STPG2: variants seen among roughly 807,000 people sequenced by gnomAD.
The protein encoded by STPG2 is sperm-tail PG-rich repeat-containing protein 2.
In STPG2, 56 loss-of-function variants were observed where a neutral mutation model predicts 54.2. The observed-to-expected ratio is 1.03, with a 90% CI of 0.83 to 1.29. The LOEUF (loss-of-function observed/expected upper bound fraction) is 1.29, where lower values mean the gene tolerates loss of function less well. STPG2 is among the 50% of genes most tolerant of loss of function. The pLI, the probability that STPG2 is intolerant of heterozygous loss-of-function variation, is 0.00. For missense variants in STPG2, 596 were observed against 544.9 expected, an observed-to-expected ratio of 1.09 and a Z score of -0.93; for synonymous variants, 200 against 181.8, an observed-to-expected ratio of 1.10 and a Z score of -0.81.
chr4:97,732,312 T>A (rs1724826702), intron 9 of STPG2, among the ~76,000 whole-genome samples: 1 of 152,196 alleles, frequency 6.6e-6, no homozygotes, highest in South Asian at 2.1e-4. Flanking sequence ...ATGCTTATAG[T>A]TTCAGGTCTT....
intron 9 of STPG2, among the ~76,000 whole-genome samples, chr4:97,760,457 A>G (rs1019442766): frequency 5.3e-5 from 8 of 152,308 alleles, no homozygotes; most frequent in African/African-American, 1.7e-4. Flanking sequence ...TATACAATAC[A>G]CAAGTTGAAA....
chr4:98,066,763 T>G (rs1737850034), intron 5 of STPG2, among the ~76,000 whole-genome samples: 1 of 152,184 alleles, frequency 6.6e-6, no homozygotes, highest in Non-Finnish European at 1.5e-5. Context: ...AGATGTAATA[T>G]CCATAAATCA....
intron 1 of STPG2, among the ~76,000 whole-genome samples, chr4:98,136,509 A>T (rs1180759057): frequency 6.6e-6 from 1 of 151,788 alleles, no homozygotes; most frequent in Non-Finnish European, 1.5e-5. Flanking sequence ...AGTGAAAAAT[A>T]GAATGGTTGT....
chr4:97,895,328 A>C (rs555013241), intron 8 of STPG2, among the ~76,000 whole-genome samples: 1 of 152,028 alleles, frequency 6.6e-6, no homozygotes, highest in African/African-American at 2.4e-5. Context: ...TTATAAATCA[A>C]CACTGATATC....
chr4:97,676,855 T>C (rs1722867012), intron 10 of STPG2, among the ~76,000 whole-genome samples: 1 of 152,206 alleles, frequency 6.6e-6, no homozygotes, highest in Admixed American at 6.5e-5. Context: ...CCAAGGCAAA[T>C]GACCTGTTTC....
At position 97,451,741 on chromosome 4, in the gene STPG2, T is replaced by C. The variant is rs140115137; in HGVS notation, c.462+260958A>G. On this transcript the variant is annotated intron_variant, in intron 4 of 4. Transcript: ENST00000522676. The stretch of plus-strand genomic sequence containing the variant: ...ATGTATATAAATTATGAATAAAATA[T>C]AGTGGAATTGAGAGACTCTCCATCT... 4.2e-3 allele frequency among the ~76,000 whole-genome samples: 638 copies of C among 152,316 alleles called. 5 individuals carry two copies. The highest frequency in any genetic ancestry group is 0.015 in the African/African-American group (612 of 41,564).
intron 7 of STPG2, among the ~76,000 whole-genome samples, chr4:97,959,811 G>A (rs765660464): frequency 1.6e-4 from 24 of 151,854 alleles, no homozygotes; most frequent in Non-Finnish European, 3.1e-4. Flanking sequence ...TATTCAAAAC[G>A]ATAGAGAAAG....
chr4:97,907,474 A>G (rs2149195352), intron 8 of STPG2, among the ~76,000 whole-genome samples: 1 of 152,282 alleles, frequency 6.6e-6, no homozygotes, highest in Admixed American at 6.5e-5. Flanking sequence ...TGCCATCCCC[A>G]TCAAGCTACC....
chr4:98,050,443 A>AT (rs139849137), intron 5 of STPG2, among the ~76,000 whole-genome samples: 21,179 of 137,310 alleles, frequency 0.15, 1,887 homozygotes, highest in Middle Eastern at 0.29. Flanking sequence ...TAAGTTTTTT[A>AT]TTTTTTAAAA....
intron 9 of STPG2, among the ~76,000 whole-genome samples, chr4:97,764,637 T>C (rs1419046690): frequency 6.6e-6 from 1 of 152,104 alleles, no homozygotes; most frequent in Admixed American, 6.6e-5. Flanking sequence ...AAGAAACAAT[T>C]ATACAAGAAG....
intron 9 of STPG2, among the ~76,000 whole-genome samples, chr4:97,754,956 G>T (rs1725686060): frequency 1.3e-5 from 2 of 152,104 alleles, no homozygotes; most frequent in African/African-American, 4.8e-5. Context: ...GAATAATTTT[G>T]CTGACCACAG....
rs555788967 is a variant in STPG2, at chr4:97,595,595, T to C, written c.1321-36478A>G. 1.2e-4 allele frequency among the ~76,000 whole-genome samples: 18 copies of C among 149,902 alleles called. No individual in the cohort carries two copies. In the South Asian group the frequency reaches 3.2e-3, roughly 26 times the overall value. On this transcript the variant is annotated intron_variant, in intron 10 of 10. Transcript: ENST00000295268. ...CACATGTACCCTAGAACTTAAAGTATAATAAAAATAAAAAAACAAAAAAAG... is the reference window on the plus strand; with the variant it reads ...CACATGTACCCTAGAACTTAAAGTACAATAAAAATAAAAAAACAAAAAAAG...
At chr4:98,031,450 G>A (rs1203955661) in intron 5 of STPG2, among the ~76,000 whole-genome samples, 3 of 152,118 alleles carry the variant, frequency 2.0e-5, no homozygotes, top group Non-Finnish European at 4.4e-5. Flanking sequence ...AGGCTGAGAT[G>A]GGCGGATCAC....
intron 4 of STPG2, among the ~76,000 whole-genome samples, chr4:97,486,180 A>C (rs1222819055): frequency 6.6e-6 from 1 of 151,930 alleles, no homozygotes; most frequent in Non-Finnish European, 1.5e-5. Flanking sequence ...ACTGGGACTT[A>C]ATTAAACTAA....
At chr4:97,558,487 G>T (rs1048893278), downstream of STPG2, among the ~76,000 whole-genome samples, 1 of 152,148 alleles carries the variant, frequency 6.6e-6, no homozygotes, top group African/African-American at 2.4e-5. Flanking sequence ...ATTCTTTCTG[G>T]CTCTTCTTGC....
intron 8 of STPG2, among the ~76,000 whole-genome samples, chr4:97,911,732 C>T (rs1252828748): frequency 6.6e-6 from 1 of 152,178 alleles, no homozygotes; most frequent in African/African-American, 2.4e-5. Flanking sequence ...CAAAGGTCTT[C>T]ACGGTTCAGC....
At position 97,973,015 on chromosome 4, in the gene STPG2, G is replaced by A. The variant is rs189145753; in HGVS notation, c.773-575C>T. The stretch of plus-strand genomic sequence containing the variant: ...ACAGTAAATCGGTACCAGTAAAGTT[G>A]GGCACTGCTGTAGATACCTGAAAAT... On this transcript the variant is annotated intron_variant, in intron 6 of 10. Transcript: ENST00000295268. Among the ~76,000 whole-genome samples, 641 of 152,204 alleles carry A rather than the reference G, an allele frequency of 4.2e-3. 3 individuals carry two copies. Among genetic ancestry groups the A allele is most frequent in the South Asian group, 0.024 (116 of 4,820 alleles).
At chr4:97,661,128 T>C (rs1008408926) in intron 10 of STPG2, among the ~76,000 whole-genome samples, 1 of 152,178 alleles carries the variant, frequency 6.6e-6, no homozygotes, top group Non-Finnish European at 1.5e-5. Flanking sequence ...AATGCACTTA[T>C]AGCCAGCACA....
chr4:98,093,243 G>A (rs783945), intron 5 of STPG2, among the ~76,000 whole-genome samples: 66,491 of 151,934 alleles, frequency 0.44, 15,111 homozygotes, highest in Admixed American at 0.56. Flanking sequence ...ACATTCCTTA[G>A]TGAACTATTC....
Sources: gnomAD v4.1 joint callset for allele counts (sites outside exome capture counted in the v4.1 genomes callset) on GRCh38, gnomAD v4.1.1 for gene constraint, MANE v1.5 for transcripts, NCBI Gene and HGNC (gene_info 2026-07-23, HGNC 2026-07-21) for gene names.